The following ADGRL2 variants were observed in gnomAD, a reference collection of about 807,000 sequenced individuals.
ADGRL2 encodes adhesion G protein-coupled receptor L2.
Under a neutral mutation model 157.4 loss-of-function variants are expected in ADGRL2, and 44 were observed. That is an observed-to-expected ratio of 0.28 (90% CI 0.22 to 0.36). ADGRL2 has a LOEUF of 0.36. Among genes scored for constraint, ADGRL2 ranks in the 10% least tolerant of loss-of-function variants. The pLI is 1.00. For missense variants in ADGRL2, 1,510 were observed against 1,768.9 expected (o/e 0.85, Z 2.63); for synonymous variants, 585 against 624.7 (o/e 0.94, Z 0.95).
intron 3 of ADGRL2, among the ~76,000 whole-genome samples, chr1:81,649,375 A>G (rs751891580): frequency 2.6e-5 from 4 of 152,142 alleles, no homozygotes; most frequent in Non-Finnish European, 5.9e-5. Flanking sequence ...TGTTTTTCCT[A>G]TCCCCAAGGA....
intron 1 of ADGRL2, among the ~76,000 whole-genome samples, chr1:81,835,982 C>T (rs999469570): frequency 3.9e-5 from 6 of 152,028 alleles, no homozygotes; most frequent in Admixed American, 1.3e-4. Flanking sequence ...AATAGCATCC[C>T]GTGTGATAAG....
chr1:81,838,292 A>G (rs1330379253), intron 2 of ADGRL2, among the ~76,000 whole-genome samples: 1 of 152,086 alleles, frequency 6.6e-6, no homozygotes, highest in Admixed American at 6.6e-5. Flanking sequence ...TAAATAAATA[A>G]CAAATTTAGA....
chr1:81,743,393 G>GTTTT (rs5775639), intron 1 of ADGRL2, among the ~76,000 whole-genome samples: 23 of 136,850 alleles, frequency 1.7e-4, no homozygotes, highest in Non-Finnish European at 2.4e-4. Flanking sequence ...ATAACAGAAG[G>GTTTT]TTTTTTTTTT....
chr1:81,849,246 T>C (rs1417595640), intron 2 of ADGRL2, among the ~76,000 whole-genome samples: 1 of 151,924 alleles, frequency 6.6e-6, no homozygotes, highest in Non-Finnish European at 1.5e-5. Flanking sequence ...TGAGTCCATT[T>C]GAAAGGCTGG....
intron 3 of ADGRL2, among the ~76,000 whole-genome samples, chr1:81,669,627 A>T (rs2082825911): frequency 6.6e-6 from 1 of 152,184 alleles, no homozygotes; most frequent in Admixed American, 6.5e-5. Flanking sequence ...GAAAAAATGC[A>T]GGATGCTCTA....
At chr1:81,864,218 A>G (rs1172060868) in intron 2 of ADGRL2, among the ~76,000 whole-genome samples, 2 of 152,190 alleles carry the variant, frequency 1.3e-5, no homozygotes, top group African/African-American at 2.4e-5. Flanking sequence ...TCCATCTATT[A>G]TAAGAGACTC....
intron 3 of ADGRL2, among the ~76,000 whole-genome samples, chr1:81,596,697 GT>G (rs1464675396): frequency 1.3e-5 from 2 of 151,296 alleles, no homozygotes. Context: ...TTTTTGGACA[GT>G]TTTCTGAGTG....
intron 1 of ADGRL2, among the ~76,000 whole-genome samples, chr1:81,728,658 G>C (rs1355159368): frequency 6.6e-6 from 1 of 152,138 alleles, no homozygotes; most frequent in Non-Finnish European, 1.5e-5. Flanking sequence ...CTAGGACCTA[G>C]AACACAAACA....
chr1:81,726,618 G>A (rs1304692085), intron 1 of ADGRL2, among the ~76,000 whole-genome samples: 1 of 152,104 alleles, frequency 6.6e-6, no homozygotes, highest in African/African-American at 2.4e-5. Flanking sequence ...GGGAGAAGGA[G>A]GTCCTATTTT....
intron 1 of ADGRL2, among the ~76,000 whole-genome samples, chr1:81,749,605 G>C (rs2085422749): frequency 6.6e-6 from 1 of 152,016 alleles, no homozygotes; most frequent in African/African-American, 2.4e-5. Flanking sequence ...ATAAATGTTT[G>C]TTAAATGAAT....
chr1:81,532,159 C>T (rs1191647418), intron 2 of ADGRL2, among the ~76,000 whole-genome samples: 3 of 152,110 alleles, frequency 2.0e-5, no homozygotes, highest in Non-Finnish European at 4.4e-5. Flanking sequence ...TTAGTATAAG[C>T]TTAAATGTGC....
At chr1:81,815,807 T>C (rs12731297) in intron 1 of ADGRL2, among the ~76,000 whole-genome samples, 36,774 of 151,598 alleles carry the variant, frequency 0.24, 4,851 homozygotes, top group South Asian at 0.38. Flanking sequence ...ACATTTCAGC[T>C]TGGAAACCTG....
chr1:81,619,859 G>A (rs2081751496), intron 3 of ADGRL2, among the ~76,000 whole-genome samples: 1 of 151,844 alleles, frequency 6.6e-6, no homozygotes, highest in Non-Finnish European at 1.5e-5. Context: ...GACTGTCTAG[G>A]TTCAAATCCC....
At chr1:81,464,059 A>G (rs1160053023) in intron 2 of ADGRL2, among the ~76,000 whole-genome samples, 2 of 152,164 alleles carry the variant, frequency 1.3e-5, no homozygotes, top group African/African-American at 2.4e-5. Context: ...CATACACATC[A>G]TCATGTTAGT....
At chr1:81,780,239 AAATT>A (rs1341475941) in intron 2 of ADGRL2, among the ~76,000 whole-genome samples, 1 of 152,210 alleles carries the variant, frequency 6.6e-6, no homozygotes, top group African/African-American at 2.4e-5. Context: ...ATTGGATTAA[AAATT>A]AATTGTTTAT....
intron 1 of ADGRL2, among the ~76,000 whole-genome samples, chr1:81,393,437 A>G (rs1343963761): frequency 1.3e-5 from 2 of 151,802 alleles, no homozygotes; most frequent in Non-Finnish European, 2.9e-5. Flanking sequence ...AACACCAATT[A>G]CTTCATACAT....
At chr1:81,827,937 TTTACA>T (rs1218049213) in intron 1 of ADGRL2, among the ~76,000 whole-genome samples, 2 of 152,192 alleles carry the variant, frequency 1.3e-5, no homozygotes, top group Admixed American at 1.3e-4. Context: ...TTAATTTACC[TTTACA>T]TTAACATTTA....
chr1:81,648,938 C>T (rs984619501), intron 3 of ADGRL2, among the ~76,000 whole-genome samples: 17 of 152,142 alleles, frequency 1.1e-4, no homozygotes, highest in South Asian at 1.0e-3. Context: ...CACTTGGAAC[C>T]GGAGAATGCT....
At chr1:81,669,516 C>T (rs2082822715) in intron 3 of ADGRL2, among the ~76,000 whole-genome samples, 1 of 152,118 alleles carries the variant, frequency 6.6e-6, no homozygotes, top group South Asian at 2.1e-4. Flanking sequence ...CATAATTAGA[C>T]AGATATGGTC....
Sources: allele counts gnomAD v4.1 joint callset (sites outside exome capture counted in the v4.1 genomes callset), GRCh38; gene constraint gnomAD v4.1.1; transcripts MANE v1.5; gene names NCBI Gene and HGNC (gene_info 2026-07-23, HGNC 2026-07-21).